DNASE1: variants seen among roughly 807,000 people sequenced by gnomAD.
DNASE1 encodes deoxyribonuclease 1, also known as deoxyribonuclease-1.
DNASE1 carries 40 observed loss-of-function variants against 33.9 expected under a neutral mutation model. That is an observed-to-expected ratio of 1.18 (90% CI 0.92 to 1.54). DNASE1 has a LOEUF of 1.54. DNASE1 is among the 40% of genes most tolerant of loss of function. The probability of loss-of-function intolerance (pLI) is 0.00; values close to 1 mark genes in which losing one functional copy is unlikely to be tolerated. For missense variants in DNASE1, 518 were observed against 372.6 expected (o/e 1.39, Z -3.21); for synonymous variants, 216 against 160.0 (o/e 1.35, Z -2.64).
chr16:3,635,715 T>C (rs1228673616), intron 1 of DNASE1, among the ~76,000 whole-genome samples: 5 of 151,914 alleles, frequency 3.3e-5, no homozygotes, highest in Non-Finnish European at 7.4e-5. Flanking sequence ...AGGGTTTTTT[T>C]TTTTTCCTTA....
At chr16:3,646,686 A>G (rs1162452037) in intron 1 of DNASE1, among the ~76,000 whole-genome samples, 1 of 152,162 alleles carries the variant, frequency 6.6e-6, no homozygotes, top group Non-Finnish European at 1.5e-5. Context: ...GTAGGGGAAT[A>G]AAGAGATCTA....
intron 1 of DNASE1, among the ~76,000 whole-genome samples, chr16:3,621,998 A>C (rs1487926838): frequency 6.6e-6 from 1 of 152,140 alleles, no homozygotes; most frequent in Non-Finnish European, 1.5e-5. Flanking sequence ...AGGCAGGTGG[A>C]TCACTTGAGG....
exon 10 of DNASE1, chr16:3,664,513 G>A: frequency 6.5e-7 from 1 of 1,543,892 alleles, no homozygotes; most frequent in Non-Finnish European, 8.7e-7. Context: ...GCTCAATGTT[G>A]CCCAACTAAC....
At chr16:3,644,315 CACCTTGGGA>C (rs2042107084) in intron 1 of DNASE1, among the ~76,000 whole-genome samples, 1 of 152,104 alleles carries the variant, frequency 6.6e-6, no homozygotes, top group Non-Finnish European at 1.5e-5. Flanking sequence ...GTAATCGCAG[CACCTTGGGA>C]GGCCAAGGCA....
At chr16:3,614,280 A>C (rs982770814) in intron 1 of DNASE1, among the ~76,000 whole-genome samples, 5 of 151,122 alleles carry the variant, frequency 3.3e-5, no homozygotes, top group African/African-American at 9.7e-5. Flanking sequence ...AACTCCTGAC[A>C]TCAGGCGGGC....
intron 1 of DNASE1, among the ~76,000 whole-genome samples, chr16:3,620,964 T>G (rs2041290177): frequency 6.6e-6 from 1 of 151,924 alleles, no homozygotes; most frequent in African/African-American, 2.4e-5. Context: ...CACACCTGGT[T>G]AATTTTTGTA....
intron 1 of DNASE1, among the ~76,000 whole-genome samples, chr16:3,617,476 GT>G (rs2041150744): frequency 6.6e-6 from 1 of 151,892 alleles, no homozygotes; most frequent in African/African-American, 2.4e-5. Flanking sequence ...ACTTTTTTGT[GT>G]AAAAGTATAC....
intron 1 of DNASE1, among the ~76,000 whole-genome samples, chr16:3,621,203 A>G (rs938569577): frequency 6.6e-6 from 1 of 152,070 alleles, no homozygotes; most frequent in South Asian, 2.1e-4. Context: ...CTCCTGCCTC[A>G]GTATCCCGAG....
chr16:3,658,993 A>AT, downstream of DNASE1: 1 of 869,640 alleles, frequency 1.1e-6, no homozygotes, highest in Non-Finnish European at 1.8e-6. Flanking sequence ...TAAATAAGGT[A>AT]TGTTAATGAT....
intron 1 of DNASE1, among the ~76,000 whole-genome samples, chr16:3,613,018 A>G (rs2040961512): frequency 6.6e-6 from 1 of 152,180 alleles, no homozygotes; most frequent in African/African-American, 2.4e-5. Context: ...AATGCACACT[A>G]GAAGTGTACA....
chr16:3,617,231 C>T (rs1414553121), intron 1 of DNASE1, among the ~76,000 whole-genome samples: 1 of 145,500 alleles, frequency 6.9e-6, no homozygotes. Flanking sequence ...GAGGCTGAGG[C>T]AGGAGAATCG....
chr16:3,647,799 T>A (rs1250171915), intron 1 of DNASE1, among the ~76,000 whole-genome samples: 2 of 151,400 alleles, frequency 1.3e-5, no homozygotes, highest in African/African-American at 4.9e-5. Flanking sequence ...AACCCAGGAG[T>A]TGGAAAGCAG....
In DNASE1 at chr16:3,657,086, A is replaced by C; in HGVS notation, c.524A>C (p.Asp175Ala). Residue 175 changes from aspartate (D) to alanine (A), a missense_variant, in exon 6 of 9, where the codon GAT becomes GCT. By Grantham distance (126) the Asp-to-Ala change is moderately radical. Coordinates refer to ENST00000246949, the MANE Select transcript of DNASE1 (RefSeq NM_005223.4). ...EIDALYDVYL[D>A]VQEKWGLEDV... ...GACGCTCTCTATGACGTCTACCTGG[A>C]TGTCCAAGAGAAATGGGGCTTGGAG... 1 of 1,614,070 alleles carries C rather than the reference A, an allele frequency of 6.2e-7. No homozygotes were observed. The highest frequency in any genetic ancestry group is 8.5e-7 in the Non-Finnish European group (1 of 1,179,990).
At chr16:3,624,069 G>C (rs1352211981) in intron 1 of DNASE1, among the ~76,000 whole-genome samples, 1 of 152,104 alleles carries the variant, frequency 6.6e-6, no homozygotes, top group Non-Finnish European at 1.5e-5. Flanking sequence ...CGGATCACTT[G>C]AGTGCAAGAC....
At chr16:3,665,461 A>C (rs1451432086) in exon 10 of DNASE1, 1 of 154,256 alleles carries the variant, frequency 6.5e-6, no homozygotes, top group Non-Finnish European at 1.4e-5. Context: ...TGGACAAAAA[A>C]TGTTTATGGA....
intron 1 of DNASE1, among the ~76,000 whole-genome samples, chr16:3,620,629 TGATAAA>T (rs995748440): frequency 6.6e-6 from 1 of 152,178 alleles, no homozygotes; most frequent in African/African-American, 2.4e-5. Context: ...ATTCCCCTGT[TGATAAA>T]GATATATTTA....
At chr16:3,658,904 C>T (rs1019316671), downstream of DNASE1, 1 of 1,601,168 alleles carries the variant, frequency 6.2e-7, no homozygotes, top group African/African-American at 1.3e-5. Context: ...AGCTCAGTAC[C>T]ACGTGCTGTG....
chr16:3,642,487 G>A (rs565813363), upstream of DNASE1, among the ~76,000 whole-genome samples: 3 of 152,264 alleles, frequency 2.0e-5, no homozygotes, highest in Non-Finnish European at 2.9e-5. Flanking sequence ...CTCTTAAACT[G>A]TGGCTCCAGA....
At chr16:3,626,073 C>T (rs930260383) in intron 1 of DNASE1, among the ~76,000 whole-genome samples, 1 of 152,128 alleles carries the variant, frequency 6.6e-6, no homozygotes, top group Non-Finnish European at 1.5e-5. Context: ...GTACTCCAGC[C>T]TGGGCAGCAG....
Sources: allele counts gnomAD v4.1 joint callset (sites outside exome capture counted in the v4.1 genomes callset), GRCh38; gene constraint gnomAD v4.1.1; transcripts MANE v1.5; gene names NCBI Gene and HGNC (gene_info 2026-07-23, HGNC 2026-07-21).